Variants in MDGA2 observed in about 807,000 individuals in gnomAD.
The protein encoded by MDGA2 is MAM domain-containing glycosylphosphatidylinositol anchor protein 2.
In MDGA2, 40 loss-of-function variants were observed where a neutral mutation model predicts 117.8. The observed-to-expected ratio is 0.34, with a 90% CI of 0.26 to 0.44. MDGA2 has a LOEUF of 0.44. Among genes scored for constraint, MDGA2 ranks in the 20% least tolerant of loss-of-function variants. MDGA2 has a pLI of 1.00. For synonymous variants in MDGA2, 452 were observed against 439.0 expected (o/e 1.03, Z -0.37); for missense variants, 1,123 against 1,250.6 (o/e 0.90, Z 1.54).
In MDGA2 at chr14:47,485,062, G is replaced by A. The variant is rs146588097; in HGVS notation, c.281-183512C>T. On this transcript the variant is annotated intron_variant, in intron 1 of 16. Coordinates refer to ENST00000399232, the MANE Select transcript of MDGA2 (RefSeq NM_001113498.3). ...ATCCAAAAATGTGAAAATGACTTTGGAACTGGGTAACAAGCAGAGGTTGAA... is the reference window on the plus strand; with the variant it reads ...ATCCAAAAATGTGAAAATGACTTTGAAACTGGGTAACAAGCAGAGGTTGAA... Among the ~76,000 whole-genome samples the A allele has an allele frequency of 3.9e-3, 593 of 152,238 alleles. 2 individuals carry two copies. The highest frequency in any genetic ancestry group is 0.013 in the African/African-American group (546 of 41,544).
intron 1 of MDGA2, among the ~76,000 whole-genome samples, chr14:47,310,756 AAAAC>A (rs747120781): frequency 8.5e-5 from 13 of 152,138 alleles, no homozygotes; most frequent in South Asian, 2.1e-4. Context: ...CATAGAGTAT[AAAAC>A]AAACAAACAA....
chr14:47,451,174 A>T (rs1893233300), intron 1 of MDGA2, among the ~76,000 whole-genome samples: 1 of 152,084 alleles, frequency 6.6e-6, no homozygotes, highest in South Asian at 2.1e-4. Flanking sequence ...CATACACTAT[A>T]ACCTTAGGAA....
chr14:47,472,127 C>T (rs936341527), intron 1 of MDGA2, among the ~76,000 whole-genome samples: 1 of 152,072 alleles, frequency 6.6e-6, no homozygotes, highest in African/African-American at 2.4e-5. Flanking sequence ...CAATCCACTA[C>T]CCCAGCACAA....
chr14:47,493,317 A>C (rs1894211923), intron 1 of MDGA2, among the ~76,000 whole-genome samples: 1 of 146,680 alleles, frequency 6.8e-6, no homozygotes, highest in East Asian at 2.0e-4. Context: ...ATAATATAAA[A>C]TATATATATA....
chr14:47,076,120 C>A (rs752996184), intron 6 of MDGA2, among the ~76,000 whole-genome samples: 1 of 151,820 alleles, frequency 6.6e-6, no homozygotes, highest in South Asian at 2.1e-4. Context: ...CAAATGGGTA[C>A]GATTAGTGAT....
At chr14:47,475,945 C>G (rs1405730934) in intron 1 of MDGA2, among the ~76,000 whole-genome samples, 1 of 152,156 alleles carries the variant, frequency 6.6e-6, no homozygotes, top group Non-Finnish European at 1.5e-5. Flanking sequence ...ACAGCCATGA[C>G]ATACGTTTTC....
At chr14:47,231,521 A>G (rs1886688921) in intron 2 of MDGA2, among the ~76,000 whole-genome samples, 1 of 152,090 alleles carries the variant, frequency 6.6e-6, no homozygotes, top group Admixed American at 6.6e-5. Context: ...GTGAAAATGG[A>G]AGGCTGCTGT....
intron 1 of MDGA2, 92 bp from the exon 2 acceptor site, chr14:47,301,642 T>A (rs1439881627): frequency 1.5e-6 from 2 of 1,329,736 alleles, no homozygotes; most frequent in Admixed American, 4.1e-5. Context: ...GCAATTCTTA[T>A]TAGACTTCAC....
intron 1 of MDGA2, among the ~76,000 whole-genome samples, chr14:47,375,523 T>C (rs934185713): frequency 6.6e-6 from 1 of 152,102 alleles, no homozygotes; most frequent in African/African-American, 2.4e-5. Context: ...ATCTGCCATT[T>C]TCTAATGTCA....
At chr14:47,628,310 A>G (rs142366767) in intron 1 of MDGA2, among the ~76,000 whole-genome samples, 6 of 152,010 alleles carry the variant, frequency 3.9e-5, no homozygotes, top group African/African-American at 7.3e-5. Flanking sequence ...TTGCATGACT[A>G]TTTGTTTCAT....
intron 1 of MDGA2, among the ~76,000 whole-genome samples, chr14:47,571,971 C>T (rs1177974633): frequency 1.3e-5 from 2 of 152,182 alleles, no homozygotes; most frequent in African/African-American, 2.4e-5. Context: ...CACACACATA[C>T]ATACTTTGCT....
At position 47,437,092 on chromosome 14, in the gene MDGA2, T is replaced by G. The variant is rs115840822; in HGVS notation, c.281-135542A>C. Among the ~76,000 whole-genome samples, 983 of 152,232 alleles carry G rather than the reference T, an allele frequency of 6.5e-3. 11 individuals are homozygous for G. The highest frequency in any genetic ancestry group is 0.021 in the African/African-American group (881 of 41,552). ...CCTAGAATTGTACTTTCTTTTTTTT[T>G]TGTGGTGGGGAGGGGGACAATTCCT... On this transcript the variant is annotated intron_variant, in intron 1 of 16. Coordinates refer to ENST00000399232, the MANE Select transcript of MDGA2 (RefSeq NM_001113498.3).
At chr14:47,652,766 C>T (rs529761648) in intron 1 of MDGA2, among the ~76,000 whole-genome samples, 1 of 152,156 alleles carries the variant, frequency 6.6e-6, no homozygotes, top group South Asian at 2.1e-4. Flanking sequence ...CTCCCCTCCC[C>T]CCAGGCACAC....
chr14:47,052,549 GT>G (rs571833500), intron 7 of MDGA2, among the ~76,000 whole-genome samples: 152 of 151,852 alleles, frequency 1.0e-3, no homozygotes, highest in African/African-American at 3.4e-3. Context: ...AGAAAAACAT[GT>G]TTAATGTTTA....
At chr14:47,548,742 A>T (rs1385608758) in intron 1 of MDGA2, among the ~76,000 whole-genome samples, 1 of 152,102 alleles carries the variant, frequency 6.6e-6, no homozygotes, top group African/African-American at 2.4e-5. Flanking sequence ...GGGCATGCAC[A>T]CAACCCTGAA....
intron 10 of MDGA2, among the ~76,000 whole-genome samples, chr14:46,916,812 C>A (rs919190896): frequency 2.6e-5 from 4 of 151,822 alleles, no homozygotes; most frequent in African/African-American, 9.7e-5. Flanking sequence ...AGTAAAATTA[C>A]CAATTAGAAT....
At chr14:47,516,317 T>C (rs1360041145) in intron 1 of MDGA2, among the ~76,000 whole-genome samples, 1 of 152,200 alleles carries the variant, frequency 6.6e-6, no homozygotes, top group South Asian at 2.1e-4. Context: ...AAATGACCTG[T>C]AGCAGACATT....
At chr14:47,145,056 G>A (rs1217014407) in intron 3 of MDGA2, among the ~76,000 whole-genome samples, 1 of 151,816 alleles carries the variant, frequency 6.6e-6, no homozygotes, top group Non-Finnish European at 1.5e-5. Flanking sequence ...ATATGATCTT[G>A]CACAGGACTA....
At chr14:46,854,609 T>A (rs1317880779) in intron 15 of MDGA2, among the ~76,000 whole-genome samples, 1 of 151,762 alleles carries the variant, frequency 6.6e-6, no homozygotes, top group Admixed American at 6.6e-5. Context: ...TGGCATTAAA[T>A]CAGAAGGAAC....
Sources: allele counts gnomAD v4.1 joint callset (sites outside exome capture counted in the v4.1 genomes callset), GRCh38; gene constraint gnomAD v4.1.1; transcripts MANE v1.5; gene names NCBI Gene and HGNC (gene_info 2026-07-23, HGNC 2026-07-21).